HAS3: variants seen among roughly 807,000 people sequenced by gnomAD.
HAS3 encodes HA synthase 3.
A neutral mutation model predicts 50.3 loss-of-function variants in HAS3; 27 were observed. The ratio of observed to expected loss-of-function variants is 0.54; its 90% CI spans 0.40 to 0.74. The LOEUF (loss-of-function observed/expected upper bound fraction) is 0.74. Among genes scored for constraint, HAS3 ranks in the 30% least tolerant of loss-of-function variants. The probability of loss-of-function intolerance (pLI) is 0.00; values close to 1 mark genes in which losing one functional copy is unlikely to be tolerated. For missense variants in HAS3, 517 were observed against 742.8 expected, an observed-to-expected ratio of 0.70 and a Z score of 3.53; for synonymous variants, 339 against 310.9, an observed-to-expected ratio of 1.09 and a Z score of -0.95.
upstream of HAS3, among the ~76,000 whole-genome samples, chr16:69,104,696 A>G (rs1041607971): frequency 2.6e-5 from 4 of 152,222 alleles, no homozygotes; most frequent in East Asian, 3.9e-4. Context: ...CTCCATCTTC[A>G]GCCTCCCAAA....
At chr16:69,105,976 G>C (rs1353042689) in intron 1 of HAS3, among the ~76,000 whole-genome samples, 189 bp downstream of exon 1, 2 of 152,214 alleles carry the variant, frequency 1.3e-5, no homozygotes, top group East Asian at 3.9e-4. Context: ...GGCCCCACTC[G>C]GGGGACCCAG....
downstream of HAS3, chr16:69,118,000 G>T (rs982919087): frequency 3.5e-6 from 1 of 286,830 alleles, no homozygotes; most frequent in Admixed American, 4.8e-5. Context: ...AAAACACAGT[G>T]ACACCAGCAG....
the HAS3 span, among the ~76,000 whole-genome samples, chr16:69,088,981 A>G: frequency 6.6e-5 from 10 of 152,122 alleles, no homozygotes; most frequent in South Asian, 2.1e-4. Context: ...TTTCCCCTCC[A>G]TAAAAAGGAA....
chr16:69,115,697 G>A lies in HAS3; in HGVS notation c.*431G>A, dbSNP rs1961157759. The A allele has an allele frequency of 1.0e-6, 1 of 991,388 alleles. No homozygotes were observed. The highest frequency in any genetic ancestry group is 1.2e-6 in the Non-Finnish European group (1 of 834,184). 61.4% of individuals were successfully genotyped at this position (991,388 alleles called of 1,614,324 possible). On this transcript the variant is annotated 3_prime_UTR_variant, in exon 4 of 4. Coordinates refer to ENST00000569188, the MANE Select transcript of HAS3 (RefSeq NM_001199280.2). ...GAGGTGGCAGGAGAATTTCTACTGA[G>A]CGAGCTGGGCCGGTTAGTGTATGTC...
At chr16:69,095,049 T>G in the HAS3 span, among the ~76,000 whole-genome samples, 1 of 148,904 alleles carries the variant, frequency 6.7e-6, no homozygotes, top group South Asian at 2.2e-4. Flanking sequence ...TAACACAATC[T>G]CAGCTCACTG....
At position 69,116,898 on chromosome 16, in the gene HAS3, A is replaced by T; in HGVS notation, c.*1632A>T. The T allele has an allele frequency of 4.1e-6, 4 of 985,440 alleles. No homozygotes were observed. The highest frequency in any genetic ancestry group is 4.8e-6 in the Non-Finnish European group (4 of 829,930). The allele number at this position is 985,440 out of a possible 1,614,324, so 61.0% of individuals were successfully genotyped here. On this transcript the variant is annotated 3_prime_UTR_variant, in exon 4 of 4. Transcript: ENST00000569188. ...AGCACTAAGGTGGACAGCAGACAAG[A>T]GGGCAAGCCTCTAGTGTACCAAGTG...
chr16:69,118,182 T>TTGA, downstream of HAS3: 1 of 590,440 alleles, frequency 1.7e-6, no homozygotes, highest in South Asian at 2.0e-5. Context: ...TTGAGGTTCT[T>TTGA]TGATTGATTG....
chr16:69,106,342 G>A lies in HAS3; in HGVS notation c.-1+555G>A, dbSNP rs1015894111. ...GTGAGCGCGGGCCGGCCGGCACCCA[G>A]GAGGGGAGGGCCGCGCGGGGCTGCG... On this transcript the variant is annotated intron_variant, in intron 1 of 3. Coordinates refer to ENST00000569188, the MANE Select transcript of HAS3 (RefSeq NM_001199280.2). The surrounding 1 kb of genome is among the most constrained non-coding windows in gnomAD (Gnocchi z 5.5). 1 of 147,700 alleles carries A rather than the reference G, an allele frequency of 6.8e-6. No homozygotes were observed. Among genetic ancestry groups the A allele is most frequent in the Non-Finnish European group, 1.5e-5 (1 of 66,342 alleles). 9.1% of individuals were successfully genotyped at this position (147,700 alleles called of 1,614,324 possible).
chr16:69,091,679 A>C, the HAS3 span, among the ~76,000 whole-genome samples: 1 of 152,210 alleles, frequency 6.6e-6, no homozygotes, highest in East Asian at 1.9e-4. Context: ...TATGCTTTGC[A>C]AGTTACACCC....
chr16:69,110,793 T>TG (rs1270159426), intron 2 of HAS3, among the ~76,000 whole-genome samples: 1 of 152,168 alleles, frequency 6.6e-6, no homozygotes, highest in Non-Finnish European at 1.5e-5. Flanking sequence ...AATGGCAACG[T>TG]GGGGCTGAAC....
At chr16:69,087,859 C>T in the HAS3 span, among the ~76,000 whole-genome samples, 7 of 151,758 alleles carry the variant, frequency 4.6e-5, no homozygotes, top group East Asian at 1.9e-4. Context: ...TCTGCCACCA[C>T]GCCCAACTAT....
Position 69,115,135 on chromosome 16 carries a change from GCCTT to G in HAS3, c.1536_1539del (p.Phe512LeufsTer50), listed in dbSNP as rs754089085. The G allele has an allele frequency of 3.1e-6, 5 of 1,610,264 alleles. No homozygotes were observed. The highest frequency in any genetic ancestry group is 4.2e-6 in the Non-Finnish European group (5 of 1,177,902). On this transcript the variant is annotated frameshift_variant, in exon 4 of 4. Transcript: ENST00000569188. LOFTEE classifies it high-confidence loss of function. ...GGACCTGTTCAGTGAGACAGAGCTA[GCCTT>G]CCTTGTCTCTGGGGCTATACTGTAT... is the stretch of plus-strand genomic sequence containing the variant.
intron 1 of HAS3, among the ~76,000 whole-genome samples, chr16:69,108,496 C>G (rs1369934777): frequency 6.6e-6 from 1 of 152,148 alleles, no homozygotes; most frequent in Non-Finnish European, 1.5e-5. Context: ...GACTTAGTTG[C>G]AAATGGAAAC....
At position 69,108,160 on chromosome 16, in the gene HAS3, G is replaced by A. The variant is rs150392744; in HGVS notation, c.1-1236G>A. Among the ~76,000 whole-genome samples, 24 of 152,206 alleles carry A rather than the reference G, an allele frequency of 1.6e-4. No individual in the cohort carries two copies. The East Asian group carries it at 3.5e-3, about 22-fold the overall frequency. ...TAGTGTGGGTCAGAATGGGAAGGCC[G>A]GCAGCCATCCTTGCCACCTTTTCTT... On this transcript the variant is annotated intron_variant, in intron 1 of 3. Coordinates refer to ENST00000569188, the MANE Select transcript of HAS3 (RefSeq NM_001199280.2).
the HAS3 span, among the ~76,000 whole-genome samples, chr16:69,089,115 T>C: frequency 3.1e-4 from 47 of 152,248 alleles, no homozygotes; most frequent in East Asian, 7.9e-3. Flanking sequence ...AGCAAGCGTG[T>C]TGATCTACCC....
chr16:69,110,451 G>A (rs141633955), intron 2 of HAS3, among the ~76,000 whole-genome samples: 168 of 152,234 alleles, frequency 1.1e-3, no homozygotes, highest in Non-Finnish European at 2.0e-3. Flanking sequence ...ATGTTGCCCA[G>A]GCTGGAGTGC....
At chr16:69,111,586 GCTCA>G (rs1961003314) in intron 2 of HAS3, among the ~76,000 whole-genome samples, 1 of 152,168 alleles carries the variant, frequency 6.6e-6, no homozygotes, top group Admixed American at 6.5e-5. Context: ...CCTAAAATTA[GCTCA>G]CTCAGATTGC....
intron 2 of HAS3, among the ~76,000 whole-genome samples, chr16:69,112,293 C>T (rs1205557631): frequency 6.6e-6 from 1 of 152,240 alleles, no homozygotes; most frequent in African/African-American, 2.4e-5. Context: ...TGGCCTGAGG[C>T]TTCCTGGGCC....
chr16:69,118,638 G>A (rs1961357936), downstream of HAS3: 1 of 700,690 alleles, frequency 1.4e-6, no homozygotes. Flanking sequence ...TTTCTCTCAA[G>A]GGCAGGATTA....
Sources: allele counts gnomAD v4.1 joint callset (sites outside exome capture counted in the v4.1 genomes callset), GRCh38; gene constraint gnomAD v4.1.1; non-coding constraint Gnocchi (gnomAD v3.1); transcripts MANE v1.5; gene names NCBI Gene and HGNC (gene_info 2026-07-23, HGNC 2026-07-21).